Variants in RAD52 observed in about 807,000 individuals in gnomAD.
RAD52 encodes the protein RAD52 DNA repair protein, also known as DNA repair protein RAD52 homolog.
In RAD52, 47 loss-of-function variants were observed where a neutral mutation model predicts 55.5. The observed-to-expected ratio is 0.85, with a 90% confidence interval of 0.67 to 1.08. RAD52 has a LOEUF of 1.08. Among genes scored for constraint, RAD52 ranks in the 50% least tolerant of loss-of-function variants. The pLI, the probability that RAD52 is intolerant of heterozygous loss-of-function variation, is 0.00. For synonymous variants in RAD52, 184 were observed against 198.9 expected (o/e 0.92, Z 0.63); for missense variants, 468 against 522.8 (o/e 0.90, Z 1.02).
intron 1 of RAD52, among the ~76,000 whole-genome samples, chr12:983,520 G>A (rs891271409): frequency 2.0e-5 from 3 of 150,112 alleles, no homozygotes; most frequent in Admixed American, 6.7e-5. Context: ...AGATTCAAGT[G>A]ATGATTCTCC....
intron 1 of RAD52, among the ~76,000 whole-genome samples, chr12:968,211 C>A (rs990453980): frequency 1.3e-5 from 2 of 152,150 alleles, no homozygotes; most frequent in African/African-American, 4.8e-5. Flanking sequence ...GGCTTGCTTG[C>A]AGCAATCTGG....
At chr12:968,599 G>A (rs1255729290) in intron 1 of RAD52, among the ~76,000 whole-genome samples, 1 of 152,128 alleles carries the variant, frequency 6.6e-6, no homozygotes, top group Non-Finnish European at 1.5e-5. Context: ...TCCTGCCTGA[G>A]TAGTGGGTGA....
chr12:984,880 T>A (rs1959066461), intron 1 of RAD52, among the ~76,000 whole-genome samples: 1 of 152,054 alleles, frequency 6.6e-6, no homozygotes, highest in South Asian at 2.1e-4. Context: ...TTAGCCAGGA[T>A]GGTCTCAATC....
chr12:916,715 G>A lies in RAD52; in HGVS notation c.649C>T (p.Pro217Ser). The A allele has an allele frequency of 6.2e-7, 1 of 1,614,186 alleles. No homozygotes were observed. The highest frequency in any genetic ancestry group is 8.5e-7 in the Non-Finnish European group (1 of 1,180,036). The change falls in exon 8 of 12, where the codon CCA (proline) becomes TCA (serine). Residue 217 changes from proline to serine, a missense_variant. Coordinates refer to ENST00000358495, the MANE Select transcript of RAD52 (RefSeq NM_134424.4). ...GGGGAGGTCACCTGCTGCAGCTGTG[G>A]GTGTCCCAGGGCCATGTTCGGTCGG... is the stretch of plus-strand genomic sequence containing the variant. The part of the protein sequence containing the change: ...SCRPNMALGH[P>S]QLQQVTSPSR...
chr12:941,323 ATT>A (rs920290595), intron 1 of RAD52, among the ~76,000 whole-genome samples: 1 of 148,164 alleles, frequency 6.7e-6, no homozygotes, highest in Non-Finnish European at 1.5e-5. Context: ...AACTAAAAGA[ATT>A]TTTTTTTTTT....
chr12:953,517 C>T (rs1366786154), upstream of RAD52, among the ~76,000 whole-genome samples: 1 of 152,094 alleles, frequency 6.6e-6, no homozygotes, highest in Non-Finnish European at 1.5e-5. Flanking sequence ...CCCAGTGATT[C>T]CACTCCTGTG....
chr12:971,991 G>T (rs1005769963), intron 1 of RAD52, among the ~76,000 whole-genome samples: 1 of 152,024 alleles, frequency 6.6e-6, no homozygotes, highest in Admixed American at 6.5e-5. Flanking sequence ...CTCGTGATCC[G>T]CCCGCCTCGG....
Position 947,466 on chromosome 12 carries a change from G to A in RAD52, c.-19+2136C>T, listed in dbSNP as rs893906912. Among the ~76,000 whole-genome samples the A allele has an allele frequency of 1.5e-4, 23 of 151,294 alleles. 1 individual carries two copies. The highest frequency in any genetic ancestry group is 5.1e-4 in the African/African-American group (21 of 41,080). On this transcript the variant is annotated intron_variant, in intron 1 of 11. Coordinates refer to ENST00000358495, the MANE Select transcript of RAD52 (RefSeq NM_134424.4). ...AGTTTGAGACCAGCATTGCCAACAC[G>A]GTGAAACCCTGTCTCTACTAAAAAT...
At chr12:925,333 C>T (rs1956973923) in intron 7 of RAD52, 117 bp downstream of exon 7, 7 of 831,958 alleles carry the variant, frequency 8.4e-6, no homozygotes, top group Middle Eastern at 2.3e-4. Context: ...TCAACATTCC[C>T]GACCCTCTAA....
At chr12:944,714 T>C (rs1040485293) in intron 1 of RAD52, among the ~76,000 whole-genome samples, 5 of 150,704 alleles carry the variant, frequency 3.3e-5, no homozygotes. Flanking sequence ...AGGTAAAGAC[T>C]GGCAAAGATG....
In RAD52 at chr12:922,200, A is replaced by AC. The variant is rs1449320630; in HGVS notation, c.543+3249_543+3250insG. On this transcript the variant is annotated intron_variant, in intron 7 of 11. Transcript: ENST00000358495. The stretch of plus-strand genomic sequence containing the variant: ...GCCCATTAGGTTGGCTTAAAAAAAA[A>AC]AAAAAAAAAAAAACCAAAAACTCAG... Among the ~76,000 whole-genome samples the AC allele has an allele frequency of 1.9e-4, 28 of 147,236 alleles. 1 individual carries two copies. The highest frequency in any genetic ancestry group is 4.5e-5 in the Non-Finnish European group (3 of 66,334).
chr12:970,670 G>A (rs939790981), intron 1 of RAD52, among the ~76,000 whole-genome samples: 4 of 152,186 alleles, frequency 2.6e-5, no homozygotes, highest in Non-Finnish European at 5.9e-5. Flanking sequence ...AAAGGCAGTT[G>A]GGAGAGGGCA....
upstream of RAD52, among the ~76,000 whole-genome samples, chr12:951,583 T>C (rs1193664052): frequency 2.0e-5 from 3 of 152,238 alleles, no homozygotes; most frequent in African/African-American, 7.2e-5. Context: ...TGGTAATTTG[T>C]GTCCTCTCCT....
chr12:977,880 C>T (rs1958954387), intron 1 of RAD52, among the ~76,000 whole-genome samples: 1 of 40,532 alleles, frequency 2.5e-5, no homozygotes. Context: ...TAATTCTCTG[C>T]CTTAGACATG....
chr12:973,483 A>T (rs995939597), intron 1 of RAD52, among the ~76,000 whole-genome samples: 1 of 142,482 alleles, frequency 7.0e-6, no homozygotes, highest in African/African-American at 2.6e-5. Context: ...ATCTGACAGG[A>T]TTTTTTTTTT....
chr12:970,318 CAAAAAAAAAA>C (rs4017793), intron 1 of RAD52, among the ~76,000 whole-genome samples: 3 of 67,182 alleles, frequency 4.5e-5, no homozygotes, highest in Non-Finnish European at 7.8e-5. Flanking sequence ...GACATCATCT[CAAAAAAAAAA>C]AAAAAAAAAA....
At position 912,803 on chromosome 12, in the gene RAD52, GT is replaced by G. The variant is rs1176503870; in HGVS notation, c.*587del. On this transcript the variant is annotated 3_prime_UTR_variant, in exon 12 of 12. Coordinates refer to ENST00000358495, the MANE Select transcript of RAD52 (RefSeq NM_134424.4). ...ATTATTTCCTTCCTTAGGAAAAAAT[GT>G]CAGTCTTGAAACAATGCAGGATTGT... 5.8e-6 allele frequency: 1 copy of G among 171,126 alleles called. No individual in the cohort carries two copies. Among genetic ancestry groups the G allele is most frequent in the Non-Finnish European group, 1.2e-5 (1 of 81,690 alleles). 10.6% of individuals were successfully genotyped at this position (171,126 alleles called of 1,614,324 possible).
intron 1 of RAD52, among the ~76,000 whole-genome samples, chr12:941,921 G>T (rs569561106): frequency 6.6e-6 from 1 of 152,194 alleles, no homozygotes; most frequent in African/African-American, 2.4e-5. Flanking sequence ...ACAGGCATAA[G>T]CCACTGCACC....
chr12:964,166 C>T (rs974761899), intron 1 of RAD52, among the ~76,000 whole-genome samples: 1 of 152,062 alleles, frequency 6.6e-6, no homozygotes, highest in Admixed American at 6.6e-5. Flanking sequence ...AGAAGGAAGG[C>T]CACTGAGGGG....
Sources: gnomAD v4.1 joint callset for allele counts (sites outside exome capture counted in the v4.1 genomes callset) on GRCh38, gnomAD v4.1.1 for gene constraint, MANE v1.5 for transcripts, NCBI Gene and HGNC (gene_info 2026-07-23, HGNC 2026-07-21) for gene names.